Variants in EPHB1 observed in about 807,000 individuals in gnomAD.
EPHB1 encodes the protein ephrin type-B receptor 1.
EPHB1 carries 30 observed loss-of-function variants against 94.4 expected under a neutral mutation model. The observed-to-expected ratio is 0.32, with a 90% CI of 0.24 to 0.43. EPHB1 has a LOEUF of 0.43. Among genes scored for constraint, EPHB1 ranks in the 20% least tolerant of loss-of-function variants. EPHB1 has a pLI of 1.00. For synonymous variants in EPHB1, 522 were observed against 489.1 expected (o/e 1.07, Z -0.89); for missense variants, 1,055 against 1,308.3 (o/e 0.81, Z 2.99).
At chr3:135,152,732 C>T (rs1423404939) in intron 5 of EPHB1, among the ~76,000 whole-genome samples, 1 of 152,128 alleles carries the variant, frequency 6.6e-6, no homozygotes, top group Non-Finnish European at 1.5e-5. Context: ...ATGGGTCTGC[C>T]ATGGCATCCC....
intron 1 of EPHB1, among the ~76,000 whole-genome samples, chr3:134,802,514 GA>G (rs1396175184): frequency 6.6e-6 from 1 of 152,158 alleles, no homozygotes; most frequent in African/African-American, 2.4e-5. Context: ...GGATCGGAAA[GA>G]ATGAGCTTAG....
chr3:134,912,373 A>G (rs1238352290), intron 1 of EPHB1, among the ~76,000 whole-genome samples: 2 of 152,206 alleles, frequency 1.3e-5, no homozygotes, highest in Non-Finnish European at 2.9e-5. Context: ...CTAAATTTTC[A>G]TAGGTCTTTG....
At chr3:135,164,806 C>CAAA (rs59870139) in intron 7 of EPHB1, among the ~76,000 whole-genome samples, 386 of 85,912 alleles carry the variant, frequency 4.5e-3, no homozygotes, top group Middle Eastern at 7.4e-3. Context: ...AAGACTGTCT[C>CAAA]AAAAAAAAAA....
At chr3:135,152,973 C>G (rs952970903) in intron 5 of EPHB1, among the ~76,000 whole-genome samples, 3 of 152,172 alleles carry the variant, frequency 2.0e-5, no homozygotes, top group South Asian at 4.1e-4. Context: ...TATCACACTT[C>G]TAACTCTTTA....
At chr3:134,905,120 C>T (rs2038290795) in intron 1 of EPHB1, among the ~76,000 whole-genome samples, 2 of 152,214 alleles carry the variant, frequency 1.3e-5, no homozygotes, top group South Asian at 4.1e-4. Flanking sequence ...TCCTGCTTCA[C>T]TCCCCAATAG....
intron 11 of EPHB1, among the ~76,000 whole-genome samples, chr3:135,201,168 G>A (rs113847855): frequency 2.0e-5 from 3 of 151,938 alleles, no homozygotes; most frequent in Admixed American, 6.6e-5. Flanking sequence ...ATTGGGGGGC[G>A]GGCAAGGAGG....
intron 9 of EPHB1, among the ~76,000 whole-genome samples, chr3:135,173,267 C>G (rs998891476): frequency 2.6e-5 from 4 of 151,978 alleles, no homozygotes; most frequent in Non-Finnish European, 5.9e-5. Context: ...ATCTCCTGAC[C>G]TCGTGATCCG....
chr3:135,197,393 A>T (rs2107711673), intron 11 of EPHB1, among the ~76,000 whole-genome samples: 1 of 152,334 alleles, frequency 6.6e-6, no homozygotes, highest in South Asian at 2.1e-4. Context: ...CCAGATTGGA[A>T]GTCCTGAGAC....
At chr3:135,256,227 T>C (rs1019218511) in intron 15 of EPHB1, among the ~76,000 whole-genome samples, 1 of 152,060 alleles carries the variant, frequency 6.6e-6, no homozygotes, top group Non-Finnish European at 1.5e-5. Flanking sequence ...CGTTTAAAGT[T>C]AATATTGTTA....
intron 1 of EPHB1, among the ~76,000 whole-genome samples, chr3:134,817,308 A>C (rs1259400364): frequency 6.6e-6 from 1 of 152,184 alleles, no homozygotes; most frequent in Non-Finnish European, 1.5e-5. Flanking sequence ...CAATGTCAGT[A>C]TTGCCTGCAA....
chr3:135,162,308 C>T (rs747755427), intron 7 of EPHB1, 128 bp downstream of exon 7: 34 of 1,101,888 alleles, frequency 3.1e-5, no homozygotes, highest in East Asian at 8.5e-5. Context: ...TCCCTTCAAA[C>T]GGTTTGCCTC....
In EPHB1 at chr3:135,125,429, C is replaced by A. The variant is rs115897942; in HGVS notation, c.962-7285C>A. ...CCAACATGCTGCAAAATATCACAGCCCTTTCCTCTATGATGCTGGTCATTC... is the reference window on the plus strand; with the variant it reads ...CCAACATGCTGCAAAATATCACAGCACTTTCCTCTATGATGCTGGTCATTC... On this transcript the variant is annotated intron_variant, in intron 4 of 15. Coordinates refer to ENST00000398015, the MANE Select transcript of EPHB1 (RefSeq NM_004441.5). 5.3e-3 allele frequency among the ~76,000 whole-genome samples: 791 copies of A among 148,242 alleles called. 5 individuals carry two copies. Among genetic ancestry groups the A allele is most frequent in the Non-Finnish European group, 8.4e-3 (574 of 67,990 alleles).
rs74839987 is a variant in EPHB1 at position 135,074,300 on chromosome 3, G to C, written c.806-32148G>C. On this transcript the variant is annotated intron_variant, in intron 3 of 15. Transcript: ENST00000398015. Reference sequence around the variant, plus strand: ...TGAGCTCATAGATTTAAACATACTTGATGCATTTCAATCAATGGATATTTG... The same window carrying C: ...TGAGCTCATAGATTTAAACATACTTCATGCATTTCAATCAATGGATATTTG... Among the ~76,000 whole-genome samples, 1,159 of 152,242 alleles carry C rather than the reference G, an allele frequency of 7.6e-3. 13 individuals are homozygous for C. The highest frequency in any genetic ancestry group is 0.026 in the African/African-American group (1,086 of 41,540).
intron 2 of EPHB1, among the ~76,000 whole-genome samples, chr3:134,932,937 G>C (rs2038932861): frequency 6.6e-6 from 1 of 152,198 alleles, no homozygotes; most frequent in Non-Finnish European, 1.5e-5. Flanking sequence ...CCACTGAATG[G>C]GGACTTGGGA....
chr3:135,191,267 C>T (rs955401254), intron 10 of EPHB1, among the ~76,000 whole-genome samples: 4 of 152,182 alleles, frequency 2.6e-5, no homozygotes. Flanking sequence ...TAACCAGCCT[C>T]TACTCCAGCC....
chr3:135,052,777 C>T (rs1189191962), intron 3 of EPHB1, among the ~76,000 whole-genome samples: 7 of 134,296 alleles, frequency 5.2e-5, no homozygotes, highest in Non-Finnish European at 4.6e-5. Flanking sequence ...AGGAGAATGG[C>T]GTGAACCCGG....
intron 1 of EPHB1, among the ~76,000 whole-genome samples, chr3:134,889,622 T>C (rs1228333993): frequency 6.6e-6 from 1 of 151,978 alleles, no homozygotes; most frequent in Non-Finnish European, 1.5e-5. Flanking sequence ...TAAGACTATT[T>C]GCCTCTTACA....
At chr3:134,961,801 T>C (rs1193301578) in intron 3 of EPHB1, among the ~76,000 whole-genome samples, 2 of 152,242 alleles carry the variant, frequency 1.3e-5, no homozygotes, top group African/African-American at 4.8e-5. Flanking sequence ...TGGTCATTTA[T>C]ATACATTTAG....
At chr3:135,251,786 G>A (rs541743316) in intron 15 of EPHB1, among the ~76,000 whole-genome samples, 97 of 152,330 alleles carry the variant, frequency 6.4e-4, no homozygotes, top group Non-Finnish European at 1.2e-3. Context: ...CAGAGATCCA[G>A]CCAAGCGTTC....
Sources: allele counts gnomAD v4.1 joint callset (sites outside exome capture counted in the v4.1 genomes callset), GRCh38; gene constraint gnomAD v4.1.1; transcripts MANE v1.5; gene names NCBI Gene and HGNC (gene_info 2026-07-23, HGNC 2026-07-21).